IL27RA: variants seen among roughly 807,000 people sequenced by gnomAD.
IL27RA encodes the protein interleukin 27 receptor subunit alpha.
IL27RA carries 61 observed loss-of-function variants against 80.8 expected under a neutral mutation model. The ratio of observed to expected loss-of-function variants is 0.76; its 90% confidence interval spans 0.61 to 0.93. The LOEUF (loss-of-function observed/expected upper bound fraction) is 0.93, where lower values mean the gene tolerates loss of function less well. IL27RA is among the 40% of genes least tolerant of loss of function. The pLI, the probability that IL27RA is intolerant of heterozygous loss-of-function variation, is 0.00. For synonymous variants in IL27RA, 316 were observed against 332.5 expected, an observed-to-expected ratio of 0.95 and a Z score of 0.54; for missense variants, 735 against 808.1, an observed-to-expected ratio of 0.91 and a Z score of 1.10.
intron 10 of IL27RA, among the ~76,000 whole-genome samples, chr19:14,049,845 G>A (rs1448556850): frequency 6.6e-6 from 1 of 151,718 alleles, no homozygotes; most frequent in African/African-American, 2.4e-5. Context: ...CCCAAAGTGC[G>A]GGGATTATAG....
Position 14,032,230 on chromosome 19 carries a change from C to T in IL27RA, c.101-156C>T, listed in dbSNP as rs531542852. 3.9e-5 allele frequency among the ~76,000 whole-genome samples: 6 copies of T among 152,218 alleles called. No individual in the cohort carries two copies. The South Asian group carries it at 6.2e-4, about 16-fold the overall frequency. On this transcript the variant is annotated intron_variant, in intron 1 of 13. Transcript: ENST00000263379. ...AGCACAGGGAAAGGGGGGGTTTGCACGGAGCCCGGGCAGGGGTGCCTAGCG... is the reference window on the plus strand; with the variant it reads ...AGCACAGGGAAAGGGGGGGTTTGCATGGAGCCCGGGCAGGGGTGCCTAGCG...
In IL27RA at chr19:14,031,812, A is replaced by C. The variant is rs1006653335; in HGVS notation, c.-61A>C. On this transcript the variant is annotated 5_prime_UTR_variant, in exon 1 of 14. Transcript: ENST00000263379. ...GCGCTGTACCCAGAGCTCGAAGAGGAGCAGCGCGGCCGCGCGGACCCGGCA... is the reference window on the plus strand; with the variant it reads ...GCGCTGTACCCAGAGCTCGAAGAGGCGCAGCGCGGCCGCGCGGACCCGGCA... 1 of 1,396,610 alleles carries C rather than the reference A, an allele frequency of 7.2e-7. No homozygotes were observed. Among genetic ancestry groups the C allele is most frequent in the South Asian group, 1.3e-5 (1 of 78,164 alleles). The allele number at this position is 1,396,610 out of a possible 1,614,324, so 86.5% of individuals were successfully genotyped here.
At chr19:14,036,203 T>C (rs776009819) in intron 2 of IL27RA, among the ~76,000 whole-genome samples, 1 of 152,014 alleles carries the variant, frequency 6.6e-6, no homozygotes, top group Non-Finnish European at 1.5e-5. Context: ...CTCTGTTGCC[T>C]AGGGTAGTCT....
chr19:14,039,979 A>G lies in IL27RA; in HGVS notation c.534+69A>G. 4 of 1,501,892 alleles carry G rather than the reference A, an allele frequency of 2.7e-6. No individual in the cohort carries two copies. In the South Asian group the frequency reaches 4.7e-5, roughly 18 times the overall value. The allele number at this position is 1,501,892 out of a possible 1,614,324, so 93.0% of individuals were successfully genotyped here. A position where few individuals can be genotyped will look rare whatever the true frequency, so the allele number is the denominator to read the frequency against. Reference sequence around the variant, plus strand: ...GACTGAGGCAACATCTCCTAATCTGAGACCCAGCCCAGGACTCATTCTGTG... The same window carrying G: ...GACTGAGGCAACATCTCCTAATCTGGGACCCAGCCCAGGACTCATTCTGTG... On this transcript the variant is annotated intron_variant, in intron 4 of 13. Transcript: ENST00000263379.
chr19:14,049,000 C>T lies in IL27RA; in HGVS notation c.1161C>T (p.Val387=). ...ALLPGNFTVG[V]PYRITVTAVS... ...ACTCAGGGAATTTCACTGTCGGGGT[C>T]CCCTATCGAATCACTGTGACCGCAG... Residue 387 remains valine (V), a synonymous_variant, in exon 9 of 14, where the codon GTC becomes GTT. Transcript: ENST00000263379. 2 of 1,613,988 alleles carry T rather than the reference C, an allele frequency of 1.2e-6. No homozygotes were observed. The highest frequency in any genetic ancestry group is 1.7e-4 in the Middle Eastern group (1 of 6,060).
At chr19:14,047,954 A>T (rs1417287200) in intron 8 of IL27RA, among the ~76,000 whole-genome samples, 1 of 139,390 alleles carries the variant, frequency 7.2e-6, no homozygotes, top group Non-Finnish European at 1.5e-5. Context: ...GAGCCACCGC[A>T]CCCGGCATTT....
At chr19:14,038,414 C>A (rs970234101) in intron 2 of IL27RA, among the ~76,000 whole-genome samples, 26 of 152,008 alleles carry the variant, frequency 1.7e-4, no homozygotes, top group African/African-American at 5.5e-4. Flanking sequence ...CCCATTTCTA[C>A]AAAAAATTTA....
chr19:14,049,121 C>G, intron 9 of IL27RA, 35 bp from the exon 10 acceptor site: 1 of 1,612,640 alleles, frequency 6.2e-7, no homozygotes, highest in Non-Finnish European at 8.5e-7. Context: ...CTTCTGTAAC[C>G]CAGGCCGACC....
At chr19:14,039,957 T>C in intron 4 of IL27RA, 47 bp downstream of exon 4, 1 of 1,580,874 alleles carries the variant, frequency 6.3e-7, no homozygotes, top group Non-Finnish European at 8.7e-7. Flanking sequence ...GGGCGGGGAC[T>C]GAGGCAACAT....
At chr19:14,032,224 T>G (rs1336035152) in intron 1 of IL27RA, among the ~76,000 whole-genome samples, 162 bp from the exon 2 acceptor site, 4 of 151,502 alleles carry the variant, frequency 2.6e-5, no homozygotes, top group Non-Finnish European at 4.4e-5. Context: ...AAAGGGGGGG[T>G]TTGCACGGAG....
At chr19:14,036,770 G>A (rs1360025975) in intron 2 of IL27RA, among the ~76,000 whole-genome samples, 1 of 151,884 alleles carries the variant, frequency 6.6e-6, no homozygotes, top group Non-Finnish European at 1.5e-5. Context: ...TTACAGGCGT[G>A]AGCCACCACG....
intron 8 of IL27RA, among the ~76,000 whole-genome samples, chr19:14,047,458 G>A (rs10425821): frequency 0.11 from 15,650 of 148,708 alleles, 2,001 homozygotes; most frequent in African/African-American, 0.31. Context: ...GGGTTCAAGC[G>A]ATTCTCGTGC....
Position 14,052,115 on chromosome 19 carries a change from C to T in IL27RA, c.1736C>T (p.Pro579Leu), listed in dbSNP as rs1976180304. The T allele has an allele frequency of 7.4e-6, 12 of 1,613,316 alleles. No individual in the cohort carries two copies. The highest frequency in any genetic ancestry group is 7.6e-6 in the Non-Finnish European group (9 of 1,179,800). Reference protein sequence around the residue: ...PHMEQVPEAQPLGDLPILEVE... With the variant: ...PHMEQVPEAQLLGDLPILEVE... ...TCCCAGCAAGTACCTGAGGCCCAGCCCCTTGGGGACTTGCCCATCCTGGAA... is the reference window on the plus strand; with the variant it reads ...TCCCAGCAAGTACCTGAGGCCCAGCTCCTTGGGGACTTGCCCATCCTGGAA... The change falls in exon 14 of 14, where the codon CCC becomes CTC. Residue 579 changes from proline (P) to leucine (L), a missense_variant. Physicochemically the swap from Pro to Leu is moderately conservative, Grantham distance 98. Coordinates refer to ENST00000263379, the MANE Select transcript of IL27RA (RefSeq NM_004843.4).
intron 6 of IL27RA, among the ~76,000 whole-genome samples, chr19:14,045,634 A>T (rs1976053936): frequency 6.6e-6 from 1 of 151,384 alleles, no homozygotes; most frequent in African/African-American, 2.4e-5. Flanking sequence ...TTTGTTTGTC[A>T]TGGGTTTTTA....
intron 8 of IL27RA, among the ~76,000 whole-genome samples, chr19:14,047,439 T>C (rs1437134264): frequency 1.4e-5 from 2 of 147,528 alleles, no homozygotes; most frequent in African/African-American, 5.0e-5. Context: ...ACTGCAGCCT[T>C]CACCTCCCGG....
In IL27RA at chr19:14,050,779, T is replaced by A; in HGVS notation, c.1424T>A (p.Val475Asp). Residue 475 changes from valine (V) to aspartate (D), a missense_variant, in exon 11 of 14, where the codon GTC (valine) becomes GAC (aspartate). Physicochemically the swap from Val to Asp is radical, Grantham distance 152 (BLOSUM62 -3). Coordinates refer to ENST00000263379, the MANE Select transcript of IL27RA (RefSeq NM_004843.4). The stretch of plus-strand genomic sequence containing the variant: ...CCAGTGAGTGGCAACACACAGAGTG[T>A]CACCCTGCCTGACCTTCCTTGGGGT... ...CMNVSGNTQS[V>D]TLPDLPWGPC... The A allele has an allele frequency of 6.2e-7, 1 of 1,613,222 alleles. No homozygotes were observed. Among genetic ancestry groups the A allele is most frequent in the Non-Finnish European group, 8.5e-7 (1 of 1,179,342 alleles).
At chr19:14,039,050 C>T (rs35018855) in intron 2 of IL27RA, among the ~76,000 whole-genome samples, 16,035 of 151,578 alleles carry the variant, frequency 0.11, 1,204 homozygotes, top group Admixed American at 0.21. Flanking sequence ...TTTGGGAGGC[C>T]GAGGTGTGTG....
In IL27RA at chr19:14,052,286, C is replaced by T; in HGVS notation, c.1907C>T (p.Ala636Val). ...GGGCCCCCCAGGCCACAGGTTCTGG[C>T]CTGAACCACACGTCTGGCTGGGGGC... is the stretch of plus-strand genomic sequence containing the variant. ...LLGPPRPQVL[A>V] Residue 636 changes from alanine (A) to valine (V), a missense_variant, in exon 14 of 14, where the codon GCC becomes GTC. By Grantham distance (64) the Ala-to-Val change is moderately conservative. Transcript: ENST00000263379. The T allele has an allele frequency of 6.7e-7, 1 of 1,500,832 alleles. No homozygotes were observed. The highest frequency in any genetic ancestry group is 8.9e-7 in the Non-Finnish European group (1 of 1,127,238). The allele number at this position is 1,500,832 out of a possible 1,614,324, so 93.0% of individuals were successfully genotyped here. A position where few individuals can be genotyped will look rare whatever the true frequency, so the allele number is the denominator to read the frequency against.
At position 14,031,977 on chromosome 19, in the gene IL27RA, GT is replaced by G. The variant is rs1975822499; in HGVS notation, c.100+6del. On this transcript the variant is annotated splice_donor_region_variant and intron_variant, in intron 1 of 13. Transcript: ENST00000263379. ...TCCAGCGGACGCGTCCCCAGGGTGA[GT>G]GCTGGAGGGAGCTCGTGTCCCGGGC... 1 of 1,605,388 alleles carries G rather than the reference GT, an allele frequency of 6.2e-7. No homozygotes were observed. The highest frequency in any genetic ancestry group is 8.5e-7 in the Non-Finnish European group (1 of 1,175,396).
Sources: gnomAD v4.1 joint callset for allele counts (sites outside exome capture counted in the v4.1 genomes callset) on GRCh38, gnomAD v4.1.1 for gene constraint, MANE v1.5 for transcripts, NCBI Gene and HGNC (gene_info 2026-07-23, HGNC 2026-07-21) for gene names.